Variants in RPP14 observed in about 807,000 individuals in gnomAD.
The protein encoded by RPP14 is ribonuclease P/MRP subunit p14, also known as ribonuclease P protein subunit p14.
RPP14 carries 19 observed loss-of-function variants against 17.8 expected under a neutral mutation model. That is an observed-to-expected ratio of 1.07 (90% CI 0.74 to 1.57). The LOEUF (loss-of-function observed/expected upper bound fraction) is 1.57, where lower values mean the gene tolerates loss of function less well. Ranked by LOEUF, RPP14 falls within the 40% of genes most tolerant of loss-of-function variation. The pLI is 0.00. For synonymous variants in RPP14, 60 were observed against 56.4 expected (o/e 1.06, Z -0.29); for missense variants, 125 against 140.8 (o/e 0.89, Z 0.57).
chr3:58,307,278 A>G (rs1457489548), intron 1 of RPP14, among the ~76,000 whole-genome samples: 1 of 152,238 alleles, frequency 6.6e-6, no homozygotes, highest in African/African-American at 2.4e-5. Flanking sequence ...AACGGGAACC[A>G]TAGCAAGATT....
rs1575549460 is a variant in RPP14 at position 58,318,359 on chromosome 3, T to C, written c.*863T>C. On this transcript the variant is annotated 3_prime_UTR_variant, in exon 6 of 6. Coordinates refer to ENST00000295959, the MANE Select transcript of RPP14 (RefSeq NM_007042.6). ...CTGGGTTTTTTGTTTGTTTTTTGTT[T>C]TTTAATTCAAGAAGTAGGCTGGGCC... 1 of 382,992 alleles carries C rather than the reference T, an allele frequency of 2.6e-6. No homozygotes were observed. Among genetic ancestry groups the C allele is most frequent in the East Asian group, 4.3e-5 (1 of 23,344 alleles). 23.7% of individuals were successfully genotyped at this position (382,992 alleles called of 1,614,324 possible).
chr3:58,314,985 A>G (rs1402041928), intron 3 of RPP14, among the ~76,000 whole-genome samples: 7 of 152,036 alleles, frequency 4.6e-5, no homozygotes, highest in African/African-American at 9.7e-5. Flanking sequence ...ATGCCTGGCC[A>G]GCAGTATCTT....
chr3:58,314,771 G>A (rs1467420922), intron 3 of RPP14, among the ~76,000 whole-genome samples: 2 of 133,292 alleles, frequency 1.5e-5, no homozygotes, highest in Non-Finnish European at 3.1e-5. Flanking sequence ...TGCAACCTCC[G>A]CCTCCCAGGT....
At chr3:58,312,465 T>G (rs139675412) in intron 3 of RPP14, among the ~76,000 whole-genome samples, 113 of 152,054 alleles carry the variant, frequency 7.4e-4, no homozygotes, top group African/African-American at 2.5e-3. Context: ...AAACTGTGTT[T>G]GAAATTGCAG....
rs1253507973 is a variant in RPP14, at chr3:58,317,813, A to T, written c.*317A>T. On this transcript the variant is annotated 3_prime_UTR_variant, in exon 6 of 6. Coordinates refer to ENST00000295959, the MANE Select transcript of RPP14 (RefSeq NM_007042.6). ...TTAACAGGGGATGTCAATCCTTTGC[A>T]TTTGAATGAAGACTTTGCAAAACAC... 1 of 703,056 alleles carries T rather than the reference A, an allele frequency of 1.4e-6. No homozygotes were observed. Among genetic ancestry groups the T allele is most frequent in the Non-Finnish European group, 2.6e-6 (1 of 385,008 alleles). 43.6% of individuals were successfully genotyped at this position (703,056 alleles called of 1,614,324 possible).
chr3:58,308,513 AAACTCCTGG>A (rs2097478191), intron 1 of RPP14, among the ~76,000 whole-genome samples: 1 of 151,940 alleles, frequency 6.6e-6, no homozygotes, highest in African/African-American at 2.4e-5. Context: ...GGCTGGTCTC[AAACTCCTGG>A]CCTCCCAAAC....
At position 58,314,888 on chromosome 3, in the gene RPP14, T is replaced by C. The variant is rs2097486668; in HGVS notation, c.163-1627T>C. Among the ~76,000 whole-genome samples, 3 of 152,032 alleles carry C rather than the reference T, an allele frequency of 2.0e-5. No individual in the cohort carries two copies. In the South Asian group the frequency reaches 6.2e-4, roughly 32 times the overall value. ...TTTTAGTGGAGACGGGGTTTCACCA[T>C]GTTGACCAGGATGGTCTCAATCTCT... On this transcript the variant is annotated intron_variant, in intron 3 of 5. Coordinates refer to ENST00000295959, the MANE Select transcript of RPP14 (RefSeq NM_007042.6).
At chr3:58,307,521 T>C (rs962120629) in intron 1 of RPP14, among the ~76,000 whole-genome samples, 1 of 152,144 alleles carries the variant, frequency 6.6e-6, no homozygotes, top group African/African-American at 2.4e-5. Flanking sequence ...CGCCAGGAGT[T>C]CGAGACCAGC....
In RPP14 at chr3:58,318,921, C is replaced by G. The variant is rs1323740193; in HGVS notation, c.*1425C>G. 6.6e-6 allele frequency: 1 copy of G among 151,712 alleles called. No individual in the cohort carries two copies. The highest frequency in any genetic ancestry group is 1.5e-5 in the Non-Finnish European group (1 of 67,978). 9.4% of individuals were successfully genotyped at this position (151,712 alleles called of 1,614,324 possible). A position where few individuals can be genotyped will look rare whatever the true frequency, so the allele number is the denominator to read the frequency against. ...GGCTGAGGCAGGAGAATCTCTTGAA[C>G]CTGGGAGGTTGCAGTGAGCTGAAAT... On this transcript the variant is annotated 3_prime_UTR_variant, in exon 6 of 6. Coordinates refer to ENST00000295959, the MANE Select transcript of RPP14 (RefSeq NM_007042.6).
intron 3 of RPP14, among the ~76,000 whole-genome samples, chr3:58,313,540 G>A (rs1397905063): frequency 1.3e-5 from 2 of 152,184 alleles, no homozygotes; most frequent in Non-Finnish European, 2.9e-5. Context: ...GAGGATGAAA[G>A]GGCCAGGTGC....
chr3:58,313,040 G>T (rs2097484080), intron 3 of RPP14, among the ~76,000 whole-genome samples: 1 of 149,616 alleles, frequency 6.7e-6, no homozygotes, highest in Non-Finnish European at 1.5e-5. Context: ...AAGGCAGGCA[G>T]ATCCCAAGGT....
intron 3 of RPP14, among the ~76,000 whole-genome samples, chr3:58,316,078 A>T (rs925181733): frequency 7.2e-5 from 11 of 152,246 alleles, no homozygotes; most frequent in African/African-American, 2.7e-4. Context: ...GTCAGGTAGA[A>T]AACCTCGTTC....
chr3:58,306,666 G>A (rs2097475229), intron 1 of RPP14: 2 of 151,768 alleles, frequency 1.3e-5, no homozygotes, highest in South Asian at 4.1e-4. Context: ...GCGCTAAATA[G>A]TGGTTGTTGA....
Position 58,310,604 on chromosome 3 carries a change from T to C in RPP14, c.162+13T>C. On this transcript the variant is annotated intron_variant, in intron 3 of 5. Transcript: ENST00000295959. ...CCTGTTTGGGGAGGTATGGAATCAC[T>C]TGGTAGATTGAACATTCCAAAGATC... The C allele has an allele frequency of 1.3e-6, 2 of 1,594,976 alleles. No individual in the cohort carries two copies. Among genetic ancestry groups the C allele is most frequent in the Middle Eastern group, 3.4e-4 (2 of 5,966 alleles).
rs888010012 is a variant in RPP14 at position 58,319,999 on chromosome 3, T to C, written c.*2503T>C. The C allele has an allele frequency of 2.0e-5, 3 of 152,290 alleles. No homozygotes were observed. The highest frequency in any genetic ancestry group is 4.4e-5 in the Non-Finnish European group (3 of 68,028). 9.4% of individuals were successfully genotyped at this position (152,290 alleles called of 1,614,324 possible). On this transcript the variant is annotated 3_prime_UTR_variant, in exon 6 of 6. Coordinates refer to ENST00000295959, the MANE Select transcript of RPP14 (RefSeq NM_007042.6). ...CAATCCATTTCTCTCCTCCAGTCTT[T>C]GGGAATCACCAGTCTACTTTCTGTC...
chr3:58,311,749 G>C (rs191723532), intron 3 of RPP14, among the ~76,000 whole-genome samples: 25 of 151,732 alleles, frequency 1.6e-4, no homozygotes, highest in African/African-American at 5.8e-4. Context: ...CAAAGTGCTG[G>C]GATGACAGCA....
intron 1 of RPP14, among the ~76,000 whole-genome samples, chr3:58,307,598 C>T (rs1222982619): frequency 6.6e-6 from 1 of 152,086 alleles, no homozygotes; most frequent in East Asian, 1.9e-4. Context: ...TGATGACGTA[C>T]GCCTGTAATC....
At position 58,319,228 on chromosome 3, in the gene RPP14, T is replaced by C. The variant is rs2097491826; in HGVS notation, c.*1732T>C. 1 of 152,236 alleles carries C rather than the reference T, an allele frequency of 6.6e-6. No homozygotes were observed. Among genetic ancestry groups the C allele is most frequent in the African/African-American group, 2.4e-5 (1 of 41,466 alleles). The allele number at this position is 152,236 out of a possible 1,614,324, so 9.4% of individuals were successfully genotyped here. ...TCAGAGTTTATTGTAATTTGTTATT[T>C]ACACCAAGGTGGCATCTTAGTCTAC... On this transcript the variant is annotated 3_prime_UTR_variant, in exon 6 of 6. Coordinates refer to ENST00000295959, the MANE Select transcript of RPP14 (RefSeq NM_007042.6).
Position 58,317,608 on chromosome 3 carries a change from C to A in RPP14, c.*112C>A. ...AAGCTCTTGATGAAATTTGAGGGTG[C>A]TGAAGATGTTCCCACTAATTTCCAG... On this transcript the variant is annotated 3_prime_UTR_variant, in exon 6 of 6. Coordinates refer to ENST00000295959, the MANE Select transcript of RPP14 (RefSeq NM_007042.6). 2.5e-6 allele frequency: 2 copies of A among 793,262 alleles called. No homozygotes were observed. Among genetic ancestry groups the A allele is most frequent in the Non-Finnish European group, 4.3e-6 (2 of 460,766 alleles). 49.1% of individuals were successfully genotyped at this position (793,262 alleles called of 1,614,324 possible).
Sources: gnomAD v4.1 joint callset for allele counts (sites outside exome capture counted in the v4.1 genomes callset) on GRCh38, gnomAD v4.1.1 for gene constraint, MANE v1.5 for transcripts, NCBI Gene and HGNC (gene_info 2026-07-23, HGNC 2026-07-21) for gene names.